The following GRAMD2B variants were observed in gnomAD, a reference collection of about 807,000 sequenced individuals.
GRAMD2B encodes the protein GRAM domain containing 2B, also known as GRAM domain-containing protein 2B.
GRAMD2B carries 41 observed loss-of-function variants against 59.2 expected under a neutral mutation model. That is an observed-to-expected ratio of 0.69 (90% confidence interval 0.54 to 0.90). The LOEUF (loss-of-function observed/expected upper bound fraction) is 0.90, where lower values mean the gene tolerates loss of function less well. Ranked by LOEUF, GRAMD2B falls within the 40% of genes least tolerant of loss-of-function variation. GRAMD2B has a pLI of 0.00. For missense variants in GRAMD2B, 424 were observed against 500.5 expected (o/e 0.85, Z 1.46); for synonymous variants, 161 against 182.7 (o/e 0.88, Z 0.96).
chr5:126,483,772 A>G (rs1772326918), intron 9 of GRAMD2B, 198 bp downstream of exon 9: 1 of 537,112 alleles, frequency 1.9e-6, no homozygotes, highest in South Asian at 2.8e-5. Flanking sequence ...GTAAAAATTC[A>G]TTTGCTTTTA....
intron 5 of GRAMD2B, among the ~76,000 whole-genome samples, chr5:126,475,926 T>C (rs1273610587): frequency 2.0e-5 from 3 of 152,140 alleles, no homozygotes; most frequent in African/African-American, 7.2e-5. Flanking sequence ...CCGAACAACA[T>C]AGAGAAACCC....
chr5:126,472,368 G>C, intron 4 of GRAMD2B, 64 bp downstream of exon 4: 1 of 1,314,002 alleles, frequency 7.6e-7, no homozygotes, highest in Non-Finnish European at 1.1e-6. Context: ...TAGTTTTGGG[G>C]AAGAAAAAGG....
intron 1 of GRAMD2B, among the ~76,000 whole-genome samples, chr5:126,425,020 A>C (rs1409546216): frequency 1.3e-5 from 2 of 152,212 alleles, no homozygotes; most frequent in Non-Finnish European, 2.9e-5. Context: ...TACTCTTAAA[A>C]ATAGGCTTCT....
At chr5:126,479,799 A>G (rs1654615806) in intron 6 of GRAMD2B, among the ~76,000 whole-genome samples, 1 of 152,230 alleles carries the variant, frequency 6.6e-6, no homozygotes, top group African/African-American at 2.4e-5. Flanking sequence ...AAATAGATGG[A>G]AAAAAAGTAA....
At chr5:126,420,416 A>G (rs1358120549), upstream of GRAMD2B, among the ~76,000 whole-genome samples, 1 of 152,160 alleles carries the variant, frequency 6.6e-6, no homozygotes, top group Non-Finnish European at 1.5e-5. Context: ...TCAGTAGGTA[A>G]AATATTGTAG....
At chr5:126,428,173 A>G (rs996904484) in intron 1 of GRAMD2B, among the ~76,000 whole-genome samples, 2 of 152,162 alleles carry the variant, frequency 1.3e-5, no homozygotes, top group African/African-American at 4.8e-5. Context: ...CAGTGAGCCA[A>G]GATCATGGAT....
intron 1 of GRAMD2B, among the ~76,000 whole-genome samples, chr5:126,389,730 C>G (rs770178553): frequency 6.6e-6 from 1 of 152,032 alleles, no homozygotes; most frequent in Non-Finnish European, 1.5e-5. Context: ...GGTGGATCAC[C>G]TGAAGTCAGG....
At position 126,394,232 on chromosome 5, in the gene GRAMD2B, G is replaced by A. The variant is rs950393624; in HGVS notation, c.125+22665G>A. On this transcript the variant is annotated intron_variant, in intron 1 of 8. Transcript: ENST00000506445. ...AGAGCTTGCAGTGAGGCGAGATGGC[G>A]CCACTGCAGTCCAGCCCGGACGACA... 5.2e-4 allele frequency among the ~76,000 whole-genome samples: 78 copies of A among 150,748 alleles called. 1 individual carries two copies. The highest frequency in any genetic ancestry group is 1.6e-3 in the African/African-American group (64 of 40,882).
rs775191662 is a variant in GRAMD2B, at chr5:126,400,276, ATTATG to A, written c.125+28714_125+28718del. On this transcript the variant is annotated intron_variant, in intron 1 of 8. Coordinates refer to the GRAMD2B transcript ENST00000506445. ...TGGTAATCACAAGGAACATCTTATA[ATTATG>A]TTATAACAGTTAGCTTATTGTAAGC... Among the ~76,000 whole-genome samples, 40 of 152,238 alleles carry A rather than the reference ATTATG, an allele frequency of 2.6e-4. 1 individual carries two copies. Among genetic ancestry groups the A allele is most frequent in the African/African-American group, 7.2e-4 (30 of 41,570 alleles).
At chr5:126,421,768 T>C (rs1263521610), upstream of GRAMD2B, among the ~76,000 whole-genome samples, 1 of 152,204 alleles carries the variant, frequency 6.6e-6, no homozygotes, top group East Asian at 1.9e-4. Context: ...ACCTCCAAAA[T>C]GTTTGAAGTT....
intron 1 of GRAMD2B, chr5:126,445,618 G>C (rs1764072274): frequency 6.6e-6 from 1 of 151,278 alleles, no homozygotes; most frequent in African/African-American, 2.4e-5. Context: ...TTGGGTATGT[G>C]GTGGGGAGTG....
At chr5:126,375,129 T>C (rs1467904031) in intron 1 of GRAMD2B, among the ~76,000 whole-genome samples, 1 of 152,188 alleles carries the variant, frequency 6.6e-6, no homozygotes, top group Admixed American at 6.5e-5. Context: ...TTACACATCA[T>C]GTTAGATTTA....
At chr5:126,436,908 T>C (rs1301961355) in intron 1 of GRAMD2B, among the ~76,000 whole-genome samples, 1 of 152,170 alleles carries the variant, frequency 6.6e-6, no homozygotes, top group Non-Finnish European at 1.5e-5. Context: ...CTGGAAAAAG[T>C]AGCCTAAAAT....
chr5:126,393,963 A>G (rs1224096735), intron 1 of GRAMD2B, among the ~76,000 whole-genome samples: 1 of 152,054 alleles, frequency 6.6e-6, no homozygotes, highest in East Asian at 1.9e-4. Flanking sequence ...ACTCATAACT[A>G]TGTCAATTGT....
intron 1 of GRAMD2B, among the ~76,000 whole-genome samples, chr5:126,441,834 T>C (rs188595162): frequency 6.6e-6 from 1 of 152,284 alleles, no homozygotes; most frequent in East Asian, 1.9e-4. Context: ...GGCATTTCAA[T>C]GGTAAACAGG....
chr5:126,457,701 A>G (rs545680961), intron 1 of GRAMD2B, among the ~76,000 whole-genome samples: 1 of 152,180 alleles, frequency 6.6e-6, no homozygotes, highest in African/African-American at 2.4e-5. Flanking sequence ...GGAGAGAGTC[A>G]CTTGGCTAAC....
At chr5:126,463,897 T>C (rs1767827720) in intron 1 of GRAMD2B, among the ~76,000 whole-genome samples, 1 of 152,160 alleles carries the variant, frequency 6.6e-6, no homozygotes, top group Non-Finnish European at 1.5e-5. Context: ...CGTGCGCCTG[T>C]AATCCCAGCT....
chr5:126,445,514 G>A (rs1298043065), intron 1 of GRAMD2B: 1 of 151,962 alleles, frequency 6.6e-6, no homozygotes, highest in African/African-American at 2.4e-5. Context: ...CTGAGGACTT[G>A]CTGACACAAA....
intron 1 of GRAMD2B, among the ~76,000 whole-genome samples, chr5:126,364,755 C>T (rs1046582763): frequency 3.3e-5 from 5 of 152,208 alleles, no homozygotes; most frequent in Non-Finnish European, 7.4e-5. Context: ...AAACCTCTCC[C>T]TCTATATCCT....
Sources: allele counts gnomAD v4.1 joint callset (sites outside exome capture counted in the v4.1 genomes callset), GRCh38; gene constraint gnomAD v4.1.1; transcripts MANE v1.5; gene names NCBI Gene and HGNC (gene_info 2026-07-23, HGNC 2026-07-21).